Variants in KIF1B observed in about 807,000 individuals in gnomAD.
KIF1B encodes kinesin-like protein KIF1B.
A neutral mutation model predicts 241.9 loss-of-function variants in KIF1B; 76 were observed. The ratio of observed to expected loss-of-function variants is 0.31; its 90% CI spans 0.26 to 0.38. KIF1B has a LOEUF of 0.38. Among genes scored for constraint, KIF1B ranks in the 10% least tolerant of loss-of-function variants. KIF1B has a pLI of 1.00. For synonymous variants in KIF1B, 750 were observed against 796.7 expected, an observed-to-expected ratio of 0.94 and a Z score of 0.99; for missense variants, 1,622 against 2,271.4, an observed-to-expected ratio of 0.71 and a Z score of 5.81.
intron 27 of KIF1B, among the ~76,000 whole-genome samples, chr1:10,331,134 C>T (rs762705308): frequency 6.6e-6 from 1 of 151,224 alleles, no homozygotes; most frequent in Non-Finnish European, 1.5e-5. Context: ...GAGGTGTAGG[C>T]ATCGAGTGCA....
chr1:10,235,200 C>T (rs1281472939), intron 2 of KIF1B, among the ~76,000 whole-genome samples: 2 of 151,642 alleles, frequency 1.3e-5, no homozygotes, highest in Admixed American at 1.3e-4. Flanking sequence ...AAAATAATTT[C>T]AATACAGGAT....
Position 10,282,395 on chromosome 1 carries a change from C to T in KIF1B, c.1296C>T (p.Ser432=), listed in dbSNP as rs1162845719. 6.2e-7 allele frequency: 1 copy of T among 1,614,038 alleles called. No homozygotes were observed. Among genetic ancestry groups the T allele is most frequent in the African/African-American group, 1.3e-5 (1 of 74,912 alleles). The change falls in exon 15 of 49, where the codon TCC becomes TCT. Residue 432 remains serine (S), a synonymous_variant. Transcript: ENST00000676179. ...AGAATCAACGCCCTGGCCATTTTTC[C>T]ACAGCATCCATGGGGTCCCTCACTT... ...ASENQRPGHF[S]TASMGSLTSS...
intron 22 of KIF1B, among the ~76,000 whole-genome samples, chr1:10,317,706 C>G (rs1651360105): frequency 6.6e-6 from 1 of 151,106 alleles, no homozygotes; most frequent in Admixed American, 6.6e-5. Flanking sequence ...TGGCGTGCAC[C>G]TGTAGTCCCA....
chr1:10,259,138 T>A (rs1204927611), intron 4 of KIF1B, among the ~76,000 whole-genome samples: 1 of 151,654 alleles, frequency 6.6e-6, no homozygotes, highest in Non-Finnish European at 1.5e-5. Context: ...CTTCAAACAC[T>A]CTGAGATTCT....
chr1:10,317,586 C>G (rs1315240328), intron 22 of KIF1B, among the ~76,000 whole-genome samples: 8 of 151,364 alleles, frequency 5.3e-5, no homozygotes, highest in African/African-American at 2.0e-4. Flanking sequence ...AATCCCAGCA[C>G]TTTGGGAGGC....
chr1:10,297,107 T>G (rs1405408208), intron 21 of KIF1B, 30 bp downstream of exon 21: 1 of 1,613,574 alleles, frequency 6.2e-7, no homozygotes, highest in East Asian at 2.2e-5. Context: ...CCCATATGAC[T>G]GTTTCTTCTT....
At chr1:10,344,225 C>G (rs1652506703) in intron 34 of KIF1B, among the ~76,000 whole-genome samples, 1 of 152,194 alleles carries the variant, frequency 6.6e-6, no homozygotes, top group African/African-American at 2.4e-5. Flanking sequence ...GAGGCTGACC[C>G]ATTGCCGCCT....
rs1024052383 is a variant in KIF1B at position 10,377,610 on chromosome 1, G to C, written c.*1023G>C. On this transcript the variant is annotated 3_prime_UTR_variant, in exon 49 of 49. Coordinates refer to ENST00000676179, the MANE Select transcript of KIF1B (RefSeq NM_001365951.3). ...ACAAGGCGGGAGTGTTTCACTTTCTGGTGATAAACTTGATGGTCATTGTTA... is the reference window on the plus strand; with the variant it reads ...ACAAGGCGGGAGTGTTTCACTTTCTCGTGATAAACTTGATGGTCATTGTTA... 4.7e-6 allele frequency: 1 copy of C among 212,298 alleles called. No individual in the cohort carries two copies. Among genetic ancestry groups the C allele is most frequent in the African/African-American group, 2.3e-5 (1 of 44,156 alleles). 13.2% of individuals were successfully genotyped at this position (212,298 alleles called of 1,614,324 possible). A position where few individuals can be genotyped will look rare whatever the true frequency, so the allele number is the denominator to read the frequency against.
At chr1:10,339,000 T>C (rs1429109789) in intron 31 of KIF1B, among the ~76,000 whole-genome samples, 1 of 152,226 alleles carries the variant, frequency 6.6e-6, no homozygotes, top group Admixed American at 6.5e-5. Flanking sequence ...AGGGGTGTCC[T>C]TCTGATGGAT....
intron 20 of KIF1B, 68 bp from the exon 21 acceptor site, chr1:10,296,829 A>G (rs1426186259): frequency 4.2e-6 from 6 of 1,430,728 alleles, no homozygotes; most frequent in Non-Finnish European, 2.9e-6. Context: ...GGGAGGGGTG[A>G]GGTTGTTAAA....
rs889285461 is a variant in KIF1B, at chr1:10,379,408, C to T, written c.*2821C>T. ...TGCGTGCTCTTCACCCTCTGGGGCGCCCCTGCTGCGGCTGGCAGGTGCAGA... is the reference window on the plus strand; with the variant it reads ...TGCGTGCTCTTCACCCTCTGGGGCGTCCCTGCTGCGGCTGGCAGGTGCAGA... On this transcript the variant is annotated 3_prime_UTR_variant, in exon 49 of 49. Coordinates refer to ENST00000676179, the MANE Select transcript of KIF1B (RefSeq NM_001365951.3). 5.6e-5 allele frequency: 13 copies of T among 231,516 alleles called. No individual in the cohort carries two copies. Among genetic ancestry groups the T allele is most frequent in the Non-Finnish European group, 1.1e-4 (13 of 116,664 alleles). The allele number at this position is 231,516 out of a possible 1,614,324, so 14.3% of individuals were successfully genotyped here.
chr1:10,220,701 C>T (rs1402754496), intron 1 of KIF1B, among the ~76,000 whole-genome samples: 2 of 152,146 alleles, frequency 1.3e-5, no homozygotes, highest in African/African-American at 4.8e-5. Context: ...TTGCTCATGT[C>T]GCCCAGGCTG....
chr1:10,228,810 T>G (rs572913414), intron 1 of KIF1B, among the ~76,000 whole-genome samples: 1 of 152,188 alleles, frequency 6.6e-6, no homozygotes, highest in Admixed American at 6.6e-5. Context: ...AAGGGAGGGA[T>G]AGAATAAAGC....
intron 1 of KIF1B, among the ~76,000 whole-genome samples, chr1:10,214,723 C>T (rs559056259): frequency 1.3e-4 from 20 of 151,820 alleles, no homozygotes; most frequent in Admixed American, 1.2e-3. Context: ...GCTGGGACTA[C>T]AGGTGCACAC....
intron 5 of KIF1B, among the ~76,000 whole-genome samples, chr1:10,262,211 G>A (rs1424081360): frequency 1.3e-5 from 2 of 152,110 alleles, no homozygotes; most frequent in African/African-American, 2.4e-5. Context: ...GTGCAGTGGC[G>A]TGATCACAGC....
In KIF1B at chr1:10,290,439, A is replaced by G. The variant is rs1649937155; in HGVS notation, c.1435-643A>G. 3.3e-5 allele frequency among the ~76,000 whole-genome samples: 5 copies of G among 152,192 alleles called. 1 individual carries two copies. The South Asian group carries it at 1.0e-3, about 32-fold the overall frequency. ...CAGGAGGTTAGTGTGTTATGGCGAA[A>G]TTGTAGTGAAACAAAAGCAGTAAAT... On this transcript the variant is annotated intron_variant, in intron 15 of 48. Transcript: ENST00000676179.
chr1:10,349,868 A>G (rs757601387), intron 37 of KIF1B, among the ~76,000 whole-genome samples: 6 of 152,244 alleles, frequency 3.9e-5, no homozygotes, highest in Admixed American at 3.3e-4. Context: ...AGTATTTAGG[A>G]TTACAAAGGA....
In KIF1B at chr1:10,376,559, G is replaced by A. The variant is rs770215708; in HGVS notation, c.5423G>A (p.Arg1808His). The A allele has an allele frequency of 6.2e-6, 10 of 1,613,970 alleles. No homozygotes were observed. The highest frequency in any genetic ancestry group is 2.7e-5 in the African/African-American group (2 of 75,022). ...GTCCCCCATAGGTCAAAGCTTTCCC[G>A]CAGATGCCCGAGCCAGTCGAAATAC... ...LAGTIRSKLSRRCPSQSKY is the reference protein window; with the variant it reads ...LAGTIRSKLSHRCPSQSKY The change falls in exon 49 of 49, where the codon CGC becomes CAC. Residue 1808 changes from arginine (R) to histidine (H), a missense_variant. Physicochemically the swap from Arg to His is conservative, Grantham distance 29. Transcript: ENST00000676179.
chr1:10,275,204 T>G (rs1649034822), intron 10 of KIF1B, among the ~76,000 whole-genome samples: 1 of 152,230 alleles, frequency 6.6e-6, no homozygotes, highest in Non-Finnish European at 1.5e-5. Flanking sequence ...CTCTCAACTG[T>G]TGTGTATATT....
Sources: allele counts gnomAD v4.1 joint callset (sites outside exome capture counted in the v4.1 genomes callset), GRCh38; gene constraint gnomAD v4.1.1; transcripts MANE v1.5; gene names NCBI Gene and HGNC (gene_info 2026-07-23, HGNC 2026-07-21).